Variants in ABCC9 observed in about 807,000 individuals in gnomAD.
The protein encoded by ABCC9 is ATP binding cassette subfamily C member 9, also known as ATP-binding cassette sub-family C member 9.
ABCC9 carries 95 observed loss-of-function variants against 188.3 expected under a neutral mutation model. The ratio of observed to expected loss-of-function variants is 0.50; its 90% confidence interval spans 0.43 to 0.60. ABCC9 has a LOEUF of 0.60. Ranked by LOEUF, ABCC9 falls within the 20% of genes least tolerant of loss-of-function variation. The probability of loss-of-function intolerance (pLI) is 0.00; values close to 1 mark genes in which losing one functional copy is unlikely to be tolerated. For synonymous variants in ABCC9, 659 were observed against 652.7 expected (o/e 1.01, Z -0.15); for missense variants, 1,102 against 1,876.3 (o/e 0.59, Z 7.62).
intron 28 of ABCC9, among the ~76,000 whole-genome samples, 194 bp from the exon 29 acceptor site, chr12:21,842,665 C>T (rs1214328202): frequency 6.6e-6 from 1 of 152,096 alleles, no homozygotes; most frequent in Non-Finnish European, 1.5e-5. Context: ...ATCAACATGT[C>T]GTTGATTAGT....
At chr12:21,881,013 T>A (rs1946590331) in intron 16 of ABCC9, among the ~76,000 whole-genome samples, 1 of 152,066 alleles carries the variant, frequency 6.6e-6, no homozygotes, top group African/African-American at 2.4e-5. Flanking sequence ...GAATTACACA[T>A]ACATAGTGTT....
chr12:21,818,113 G>T, intron 32 of ABCC9, 37 bp downstream of exon 32: 1 of 1,366,440 alleles, frequency 7.3e-7, no homozygotes, highest in Non-Finnish European at 1.0e-6. Context: ...TGCGGTGTTT[G>T]GTTATCTGTT....
At chr12:21,850,106 C>T (rs77732183) in intron 24 of ABCC9, among the ~76,000 whole-genome samples, 3,689 of 151,286 alleles carry the variant, frequency 0.024, 142 homozygotes, top group African/African-American at 0.084. Context: ...AGCTGGACAA[C>T]GCACTGTTGC....
At chr12:21,874,106 G>T (rs1038180088) in intron 17 of ABCC9, among the ~76,000 whole-genome samples, 6 of 149,882 alleles carry the variant, frequency 4.0e-5, no homozygotes, top group African/African-American at 1.5e-4. Flanking sequence ...CTATCTACCT[G>T]ATAAGAGGTT....
intron 13 of ABCC9, among the ~76,000 whole-genome samples, chr12:21,894,801 GT>G (rs1440630776): frequency 6.6e-6 from 1 of 152,026 alleles, no homozygotes; most frequent in African/African-American, 2.4e-5. Context: ...AATAATACCA[GT>G]TGCCGATTTT....
chr12:21,844,972 A>T, intron 26 of ABCC9, 57 bp from the exon 27 acceptor site: 5 of 1,583,596 alleles, frequency 3.2e-6, no homozygotes, highest in Non-Finnish European at 4.3e-6. Flanking sequence ...GTTCTTTCTT[A>T]CTAGAAAACC....
At chr12:21,883,357 A>C (rs1447909162) in intron 15 of ABCC9, among the ~76,000 whole-genome samples, 5 of 152,144 alleles carry the variant, frequency 3.3e-5, no homozygotes, top group Non-Finnish European at 1.5e-5. Context: ...GATAGTGACT[A>C]AGTCTCAGGA....
intron 30 of ABCC9, 126 bp downstream of exon 30, chr12:21,837,952 T>A: frequency 1.2e-6 from 1 of 829,676 alleles, no homozygotes; most frequent in Non-Finnish European, 2.0e-6. Flanking sequence ...ATTCTTGGTT[T>A]AGTACACCAT....
rs749218661 is a variant in ABCC9 at position 21,864,462 on chromosome 12, C to T, written c.2214G>A (p.Glu738=). Reference sequence around the variant, plus strand: ...ACCTTCTGGTTGCTTCAAAAGAAGGCTCAGATTCATTTACACTGCAAGTAT... The same window carrying T: ...ACCTTCTGGTTGCTTCAAAAGAAGGTTCAGATTCATTTACACTGCAAGTAT... ...KVHWSNVNES[E]PSFEATRSRN... Residue 738 remains glutamate, a synonymous_variant, in exon 19 of 40, where the codon GAG becomes GAA. Transcript: ENST00000261200. 1.9e-6 allele frequency: 3 copies of T among 1,593,650 alleles called. No individual in the cohort carries two copies. The South Asian group carries it at 3.3e-5, about 18-fold the overall frequency.
intron 5 of ABCC9, among the ~76,000 whole-genome samples, chr12:21,917,656 ACATAG>A: frequency 6.6e-6 from 1 of 152,194 alleles, no homozygotes; most frequent in Non-Finnish European, 1.5e-5. Flanking sequence ...ACGCACTTTC[ACATAG>A]CACAAAGAAC....
intron 39 of ABCC9, among the ~76,000 whole-genome samples, chr12:21,804,402 C>T (rs1256058715): frequency 6.6e-6 from 1 of 152,120 alleles, no homozygotes; most frequent in Non-Finnish European, 1.5e-5. Context: ...GTTTTCTCTC[C>T]CTCTCTCCAC....
intron 22 of ABCC9, among the ~76,000 whole-genome samples, chr12:21,857,795 C>T (rs1945300892): frequency 1.3e-5 from 2 of 152,158 alleles, no homozygotes; most frequent in Non-Finnish European, 2.9e-5. Context: ...AGAATATTGA[C>T]TATTCCCGTC....
Position 21,933,845 on chromosome 12 carries a change from A to G in ABCC9, c.221T>C (p.Ile74Thr). ...CACAAACAGGAGAGCGAATGTAAGA[A>G]TCCATCTCAGGTTATGTCCCGGAAA... ...LHFPGHNLRW[I>T]LTFALLFVHV... is the part of the protein sequence containing the mutation. Residue 74 changes from isoleucine (I) to threonine (T), a missense_variant, in exon 4 of 40, where the codon ATT becomes ACT. Ile to Thr is a moderately conservative substitution (Grantham distance 89). Transcript: ENST00000261200. 6.2e-7 allele frequency: 1 copy of G among 1,613,742 alleles called. No homozygotes were observed. The highest frequency in any genetic ancestry group is 8.5e-7 in the Non-Finnish European group (1 of 1,179,704).
chr12:21,851,600 T>G (rs1417004231), intron 24 of ABCC9, among the ~76,000 whole-genome samples: 2 of 152,162 alleles, frequency 1.3e-5, no homozygotes, highest in Non-Finnish European at 2.9e-5. Flanking sequence ...TCCTTCTGAT[T>G]ACCTTCTTTC....
At chr12:21,931,561 T>C (rs1245939493) in intron 4 of ABCC9, among the ~76,000 whole-genome samples, 1 of 152,128 alleles carries the variant, frequency 6.6e-6, no homozygotes, top group Non-Finnish European at 1.5e-5. Context: ...CAAACAAGTT[T>C]CTACCATTAG....
chr12:21,817,549 C>A (rs1395467975), intron 32 of ABCC9, among the ~76,000 whole-genome samples: 1 of 152,156 alleles, frequency 6.6e-6, no homozygotes, highest in Non-Finnish European at 1.5e-5. Flanking sequence ...GATTTCCCTG[C>A]ATGATGGATA....
At chr12:21,872,502 G>C (rs76133304) in intron 18 of ABCC9, 123 bp downstream of exon 18, 30 of 750,356 alleles carry the variant, frequency 4.0e-5, no homozygotes, top group Non-Finnish European at 6.4e-5. Flanking sequence ...TTTTTTTAAA[G>C]CTGTGCTTAT....
chr12:21,928,128 G>A (rs1405296206), intron 4 of ABCC9, among the ~76,000 whole-genome samples: 1 of 151,884 alleles, frequency 6.6e-6, no homozygotes, highest in Non-Finnish European at 1.5e-5. Context: ...ACTGAGGCAG[G>A]AGGATCGCTT....
intron 4 of ABCC9, among the ~76,000 whole-genome samples, chr12:21,926,579 T>C (rs1181604940): frequency 6.6e-6 from 1 of 152,124 alleles, no homozygotes; most frequent in Non-Finnish European, 1.5e-5. Context: ...TCTAGTATAT[T>C]GAGGATACCA....
Sources: allele counts gnomAD v4.1 joint callset (sites outside exome capture counted in the v4.1 genomes callset), GRCh38; gene constraint gnomAD v4.1.1; transcripts MANE v1.5; gene names NCBI Gene and HGNC (gene_info 2026-07-23, HGNC 2026-07-21).